The following XK variants were observed in gnomAD, a reference collection of about 807,000 sequenced individuals.
XK encodes the protein X-linked Kx blood group antigen, Kell and VPS13A binding protein, also known as endoplasmic reticulum membrane adapter protein XK.
XK carries 2 observed loss-of-function variants against 14.0 expected under a neutral mutation model. The ratio of observed to expected loss-of-function variants is 0.14; its 90% confidence interval spans 0.06 to 0.45. XK has a LOEUF of 0.45. XK is among the 20% of genes least tolerant of loss of function. The pLI is 0.98. For missense variants in XK, 235 were observed against 341.5 expected (o/e 0.69, Z 2.46); for synonymous variants, 149 against 147.5 (o/e 1.01, Z -0.08).
Position 37,727,728 on chromosome X carries a change from G to A in XK, c.601G>A (p.Val201Ile). 4 of 1,211,432 alleles carry A rather than the reference G, an allele frequency of 3.3e-6. No individual in the cohort carries two copies. The highest frequency in any genetic ancestry group is 4.5e-6 in the Non-Finnish European group (4 of 895,392). The change falls in exon 3 of 3, where the codon GTC becomes ATC. Residue 201 changes from valine (V) to isoleucine (I), a missense_variant. Val to Ile is a conservative substitution (Grantham distance 29). Transcript: ENST00000378616. Reference protein sequence around the residue: ...AIKIKYDEYEVKVKPLAYVCI... With the variant: ...AIKIKYDEYEIKVKPLAYVCI... Reference sequence around the variant, plus strand: ...CAAAATCAAGTACGATGAGTATGAAGTCAAAGTGAAGCCTCTGGCCTATGT... The same window carrying A: ...CAAAATCAAGTACGATGAGTATGAAATCAAAGTGAAGCCTCTGGCCTATGT...
Position 37,730,136 on chromosome X carries a change from G to C in XK, c.*1674G>C, listed in dbSNP as rs1928057830. The stretch of plus-strand genomic sequence containing the variant: ...CAATATTTGTGGTTTAACTTTGTGG[G>C]GGTGTCCAGGCAGTAGATCATTTTT... On this transcript the variant is annotated 3_prime_UTR_variant, in exon 3 of 3. Coordinates refer to ENST00000378616, the MANE Select transcript of XK (RefSeq NM_021083.4). The C allele has an allele frequency of 9.0e-6, 1 of 111,200 alleles. No individual in the cohort carries two copies. The highest frequency in any genetic ancestry group is 3.3e-5 in the African/African-American group (1 of 30,619). The allele number at this position is 111,200 out of a possible 1,213,427, so 9.2% of individuals were successfully genotyped here.
intron 2 of XK, among the ~76,000 whole-genome samples, chrX:37,710,175 G>A (rs782749912): frequency 1.8e-5 from 2 of 112,047 alleles, no homozygotes; most frequent in South Asian, 3.7e-4. Context: ...CTCAATAAGG[G>A]GGAGTAACTT....
chrX:37,718,893 T>A, intron 2 of XK, among the ~76,000 whole-genome samples: 1 of 111,575 alleles, frequency 9.0e-6, no homozygotes, highest in South Asian at 3.7e-4. Context: ...AAATGACTGT[T>A]CAGGTATTTT....
chrX:37,688,266 C>T (rs1415453385), intron 1 of XK, among the ~76,000 whole-genome samples: 1 of 109,373 alleles, frequency 9.1e-6, no homozygotes, highest in Non-Finnish European at 1.9e-5. Flanking sequence ...CGGGGTTTCA[C>T]CGTGCCAGCC....
At chrX:37,725,189 G>A (rs1927953001) in intron 2 of XK, among the ~76,000 whole-genome samples, 1 of 111,279 alleles carries the variant, frequency 9.0e-6, no homozygotes, top group Admixed American at 9.6e-5. Flanking sequence ...GGGAAATAGG[G>A]TGATGATGGT....
At chrX:37,687,194 TAC>T (rs36002435) in intron 1 of XK, among the ~76,000 whole-genome samples, 15,826 of 86,523 alleles carry the variant, frequency 0.18, 1,176 homozygotes, top group African/African-American at 0.28. Flanking sequence ...CTCTCTCTCT[TAC>T]ACACACACAC....
At position 37,714,478 on chromosome X, in the gene XK, T is replaced by C. The variant is rs1391579840; in HGVS notation, c.509-13158T>C. On this transcript the variant is annotated intron_variant, in intron 2 of 2. Transcript: ENST00000378616. Reference sequence around the variant, plus strand: ...GAGTGACAAACTAACACTACCACAGTCAACCTCACATACCCCTACCTTCCA... The same window carrying C: ...GAGTGACAAACTAACACTACCACAGCCAACCTCACATACCCCTACCTTCCA... 2.7e-5 allele frequency among the ~76,000 whole-genome samples: 3 copies of C among 111,164 alleles called. No homozygotes were observed. In the Admixed American group the frequency reaches 2.9e-4, roughly 11 times the overall value.
chrX:37,698,314 G>A (rs1556442906), intron 2 of XK, among the ~76,000 whole-genome samples: 2 of 110,434 alleles, frequency 1.8e-5, no homozygotes, highest in African/African-American at 6.6e-5. Flanking sequence ...AGTAAAGAGG[G>A]AAATTGAGCC....
chrX:37,719,973 C>T lies in XK; in HGVS notation c.509-7663C>T, dbSNP rs28998780. Among the ~76,000 whole-genome samples the T allele has an allele frequency of 6.2e-3, 684 of 110,989 alleles. 5 individuals carry two copies. The highest frequency in any genetic ancestry group is 0.021 in the African/African-American group (649 of 30,631). On this transcript the variant is annotated intron_variant, in intron 2 of 2. Coordinates refer to ENST00000378616, the MANE Select transcript of XK (RefSeq NM_021083.4). ...GGACTAGATGCAGATCAACTTGACT[C>T]AGTCATGACTTGAGATGGTTGAAAT...
At chrX:37,707,178 G>C (rs1556445364) in intron 2 of XK, among the ~76,000 whole-genome samples, 1 of 112,103 alleles carries the variant, frequency 8.9e-6, no homozygotes, top group African/African-American at 3.2e-5. Context: ...TGGCCGGGCA[G>C]AGGGGCTCCT....
intron 2 of XK, among the ~76,000 whole-genome samples, chrX:37,712,142 G>A (rs968826322): frequency 1.8e-5 from 2 of 111,049 alleles, no homozygotes; most frequent in Admixed American, 1.9e-4. Context: ...TTGGGGGCAG[G>A]CTGAATAGGC....
At chrX:37,719,228 T>C (rs1406229695) in intron 2 of XK, among the ~76,000 whole-genome samples, 2 of 111,996 alleles carry the variant, frequency 1.8e-5, no homozygotes, top group African/African-American at 6.5e-5. Context: ...TGTCTACTTA[T>C]ACTTTCTGAC....
chrX:37,728,682 C>T lies in XK; in HGVS notation c.*220C>T, dbSNP rs1325456597. ...AGGGGCAACCCAAGGCATCACAGTT[C>T]ACAGGTAACCATGTTGTGTTCTTCT... On this transcript the variant is annotated 3_prime_UTR_variant, in exon 3 of 3. Coordinates refer to ENST00000378616, the MANE Select transcript of XK (RefSeq NM_021083.4). The T allele has an allele frequency of 4.7e-6, 2 of 426,326 alleles. No homozygotes were observed. Among genetic ancestry groups the T allele is most frequent in the Non-Finnish European group, 8.1e-6 (2 of 245,439 alleles). The allele number at this position is 426,326 out of a possible 1,213,427, so 35.1% of individuals were successfully genotyped here.
chrX:37,720,824 C>T (rs568346281), intron 2 of XK, among the ~76,000 whole-genome samples: 3 of 111,175 alleles, frequency 2.7e-5, no homozygotes, highest in African/African-American at 9.8e-5. Flanking sequence ...CCTCTGGTTC[C>T]GTCCATGTTA....
chrX:37,724,555 A>G (rs782216534), intron 2 of XK, among the ~76,000 whole-genome samples: 140 of 111,893 alleles, frequency 1.3e-3, no homozygotes, highest in Non-Finnish European at 2.2e-3. Flanking sequence ...CTAGAAGATA[A>G]CATAGGAGAA....
intron 2 of XK, among the ~76,000 whole-genome samples, chrX:37,707,494 C>G (rs1339084183): frequency 1.0e-5 from 1 of 100,369 alleles, no homozygotes; most frequent in East Asian, 3.2e-4. Flanking sequence ...TCAGACGGGG[C>G]GGCTGCCGGG....
chrX:37,716,523 A>G, intron 2 of XK, among the ~76,000 whole-genome samples: 1 of 111,782 alleles, frequency 8.9e-6, no homozygotes, highest in Non-Finnish European at 1.9e-5. Flanking sequence ...GAAAAATACA[A>G]GAAATTGCTT....
chrX:37,686,028 A>G lies in XK; in HGVS notation c.67A>G (p.Ser23Gly), dbSNP rs1427127333. Residue 23 changes from serine (S) to glycine (G), a missense_variant, in exon 1 of 3, where the codon AGC (serine) becomes GGC (glycine). Transcript: ENST00000378616. ...CGTGGCCGAGACAACGGCGGCGCTC[A>G]GCCTGAGCAGCACCTACCGCTCGGG... ...LFVAETTAAL[S>G]LSSTYRSGGD... is the part of the protein sequence containing the mutation. 2 of 1,208,483 alleles carry G rather than the reference A, an allele frequency of 1.7e-6. No homozygotes were observed. Among genetic ancestry groups the G allele is most frequent in the African/African-American group, 3.5e-5 (2 of 57,833 alleles).
At chrX:37,717,491 A>G (rs1454014119) in intron 2 of XK, among the ~76,000 whole-genome samples, 1 of 112,087 alleles carries the variant, frequency 8.9e-6, no homozygotes, top group Non-Finnish European at 1.9e-5. Flanking sequence ...TCATGAATTA[A>G]GAGTGCAATA....
Sources: gnomAD v4.1 joint callset for allele counts (sites outside exome capture counted in the v4.1 genomes callset) on GRCh38, gnomAD v4.1.1 for gene constraint, MANE v1.5 for transcripts, NCBI Gene and HGNC (gene_info 2026-07-23, HGNC 2026-07-21) for gene names.